Variants in CRACR2A observed in about 807,000 individuals in gnomAD.
The protein encoded by CRACR2A is calcium release activated channel regulator 2A.
CRACR2A carries 79 observed loss-of-function variants against 90.5 expected under a neutral mutation model. The ratio of observed to expected loss-of-function variants is 0.87; its 90% CI spans 0.73 to 1.05. CRACR2A has a LOEUF of 1.05. CRACR2A is among the 50% of genes least tolerant of loss of function. CRACR2A has a pLI of 0.00. For missense variants in CRACR2A, 823 were observed against 897.2 expected, an observed-to-expected ratio of 0.92 and a Z score of 1.06; for synonymous variants, 338 against 356.7, an observed-to-expected ratio of 0.95 and a Z score of 0.59.
intron 17 of CRACR2A, among the ~76,000 whole-genome samples, chr12:3,624,531 A>G (rs959213012): frequency 2.2e-4 from 34 of 152,310 alleles, no homozygotes; most frequent in African/African-American, 5.8e-4. Flanking sequence ...CACACCTTCA[A>G]CACACACTCT....
intron 7 of CRACR2A, among the ~76,000 whole-genome samples, chr12:3,662,390 T>C (rs1431467875): frequency 6.6e-6 from 1 of 152,188 alleles, no homozygotes; most frequent in Non-Finnish European, 1.5e-5. Context: ...CTTTCCTCAG[T>C]GTGACCTTGG....
At chr12:3,721,985 A>C (rs1022483082) in intron 2 of CRACR2A, among the ~76,000 whole-genome samples, 13 of 152,152 alleles carry the variant, frequency 8.5e-5, no homozygotes, top group Admixed American at 6.6e-4. Flanking sequence ...TGTCATGCCA[A>C]ATTGACTCAG....
intron 7 of CRACR2A, among the ~76,000 whole-genome samples, chr12:3,667,230 C>G (rs141437956): frequency 0.01 from 1,545 of 152,308 alleles, 35 homozygotes; most frequent in Non-Finnish European, 9.1e-3. Flanking sequence ...TTCCAAGGGT[C>G]AGAGTAGCAG....
intron 3 of CRACR2A, among the ~76,000 whole-genome samples, chr12:3,699,012 T>C (rs912260622): frequency 6.6e-6 from 1 of 152,182 alleles, no homozygotes; most frequent in Non-Finnish European, 1.5e-5. Flanking sequence ...CCTTGAGTGC[T>C]TTCTCTTGCC....
intron 14 of CRACR2A, among the ~76,000 whole-genome samples, chr12:3,636,282 C>A (rs1944452933): frequency 6.6e-6 from 1 of 152,220 alleles, no homozygotes; most frequent in African/African-American, 2.4e-5. Context: ...GCACGGCCTG[C>A]CTTGCAGTAG....
intron 4 of CRACR2A, among the ~76,000 whole-genome samples, chr12:3,685,252 T>C (rs1779853605): frequency 6.6e-6 from 1 of 152,230 alleles, no homozygotes; most frequent in Non-Finnish European, 1.5e-5. Context: ...TTCTTTTCTC[T>C]AAGACAGGAC....
chr12:3,724,840 C>G (rs1946236808), intron 2 of CRACR2A, among the ~76,000 whole-genome samples: 1 of 152,200 alleles, frequency 6.6e-6, no homozygotes, highest in South Asian at 2.1e-4. Flanking sequence ...CGACCTCACC[C>G]TTCACTGGTT....
chr12:3,720,416 G>GAAGAAATAAAGA (rs1395795980), intron 2 of CRACR2A, among the ~76,000 whole-genome samples: 1 of 106,634 alleles, frequency 9.4e-6, no homozygotes, highest in Non-Finnish European at 1.9e-5. Flanking sequence ...TGAGAGAGAG[G>GAAGAAATAAAGA]AAGAAAGAAA....
chr12:3,699,075 G>C (rs1043243917), intron 3 of CRACR2A, among the ~76,000 whole-genome samples: 11 of 152,274 alleles, frequency 7.2e-5, no homozygotes, highest in Admixed American at 3.3e-4. Flanking sequence ...CATATGGTAA[G>C]TATAATTAGG....
intron 17 of CRACR2A, among the ~76,000 whole-genome samples, chr12:3,620,754 T>G (rs937003106): frequency 6.6e-6 from 1 of 152,226 alleles, no homozygotes; most frequent in Non-Finnish European, 1.5e-5. Context: ...TGGTATCTAT[T>G]GGTCAGATGG....
At chr12:3,627,991 C>T (rs2137305217) in intron 15 of CRACR2A, among the ~76,000 whole-genome samples, 1 of 151,348 alleles carries the variant, frequency 6.6e-6, no homozygotes, top group South Asian at 2.1e-4. Flanking sequence ...AAGCCATACA[C>T]TCTTTCTTTC....
chr12:3,747,801 G>A (rs536012924), intron 1 of CRACR2A, among the ~76,000 whole-genome samples: 2 of 152,340 alleles, frequency 1.3e-5, no homozygotes, highest in East Asian at 3.9e-4. Context: ...TGGTGCACCT[G>A]TAGCACGTGT....
At chr12:3,721,365 C>A in intron 2 of CRACR2A, among the ~76,000 whole-genome samples, 1 of 100,918 alleles carries the variant, frequency 9.9e-6, no homozygotes, top group African/African-American at 4.4e-5. Context: ...AAGACCCCGT[C>A]TCTACAAAAA....
chr12:3,735,568 C>T (rs1276026510), intron 1 of CRACR2A, among the ~76,000 whole-genome samples: 2 of 152,214 alleles, frequency 1.3e-5, no homozygotes, highest in African/African-American at 2.4e-5. Context: ...ATTTAATCCT[C>T]CTCCAAAGCC....
chr12:3,750,321 G>A (rs1946686427), intron 1 of CRACR2A, among the ~76,000 whole-genome samples: 1 of 152,074 alleles, frequency 6.6e-6, no homozygotes, highest in African/African-American at 2.4e-5. Context: ...AAAACCTCTG[G>A]AGCCCAAGGG....
chr12:3,663,181 C>T (rs1000996205), intron 7 of CRACR2A, among the ~76,000 whole-genome samples: 1 of 151,928 alleles, frequency 6.6e-6, no homozygotes, highest in Non-Finnish European at 1.5e-5. Context: ...AATGTTAATG[C>T]CAAAAACCTG....
chr12:3,627,403 G>A lies in CRACR2A; in HGVS notation c.1932+33C>T, dbSNP rs1241202423. ...AGAAGAAAAAAGAAGCCACAGTCAA[G>A]CCTAAATGCTCCTAGGAAGGTCGCC... is the stretch of plus-strand genomic sequence containing the variant. On this transcript the variant is annotated intron_variant, in intron 17 of 19. Transcript: ENST00000440314. 1.0e-5 allele frequency: 15 copies of A among 1,484,612 alleles called. No homozygotes were observed. In the South Asian group the frequency reaches 1.7e-4, roughly 17 times the overall value. The allele number at this position is 1,484,612 out of a possible 1,614,324, so 92.0% of individuals were successfully genotyped here. A position where few individuals can be genotyped will look rare whatever the true frequency, so the allele number is the denominator to read the frequency against.
chr12:3,724,446 C>T (rs964751419), intron 2 of CRACR2A, among the ~76,000 whole-genome samples: 4 of 152,176 alleles, frequency 2.6e-5, no homozygotes, highest in East Asian at 1.9e-4. Flanking sequence ...TGCAGTGCCC[C>T]GCGAGACGCC....
At chr12:3,660,793 G>A (rs1270759628) in intron 7 of CRACR2A, among the ~76,000 whole-genome samples, 1 of 148,814 alleles carries the variant, frequency 6.7e-6, no homozygotes, top group Non-Finnish European at 1.5e-5. Context: ...TCTGTGAACA[G>A]GCTAATGTGG....
Sources: gnomAD v4.1 joint callset for allele counts (sites outside exome capture counted in the v4.1 genomes callset) on GRCh38, gnomAD v4.1.1 for gene constraint, MANE v1.5 for transcripts, NCBI Gene and HGNC (gene_info 2026-07-23, HGNC 2026-07-21) for gene names.